SLC14A2: variants seen among roughly 807,000 people sequenced by gnomAD.
The protein encoded by SLC14A2 is solute carrier family 14 member 2, also known as urea transporter 2.
A neutral mutation model predicts 104.6 loss-of-function variants in SLC14A2; 91 were observed. The observed-to-expected ratio is 0.87, with a 90% CI of 0.73 to 1.04. SLC14A2 has a LOEUF of 1.04. SLC14A2 is among the 50% of genes least tolerant of loss of function. The pLI is 0.00. For missense variants in SLC14A2, 1,189 were observed against 1,156.0 expected, an observed-to-expected ratio of 1.03 and a Z score of -0.41; for synonymous variants, 476 against 466.4, an observed-to-expected ratio of 1.02 and a Z score of -0.27.
intron 1 of SLC14A2, among the ~76,000 whole-genome samples, chr18:45,313,113 G>C (rs922507445): frequency 6.6e-6 from 1 of 152,230 alleles, no homozygotes; most frequent in African/African-American, 2.4e-5. Flanking sequence ...CCCCTATGGA[G>C]CTTTCACTGG....
At chr18:45,180,390 A>G in the SLC14A2 span, among the ~76,000 whole-genome samples, 1 of 152,198 alleles carries the variant, frequency 6.6e-6, no homozygotes, top group East Asian at 1.9e-4. Context: ...AGAAATGACC[A>G]TGCAGGTATT....
chr18:45,632,219 C>A, intron 4 of SLC14A2, 131 bp from the exon 5 acceptor site: 2 of 1,120,390 alleles, frequency 1.8e-6, no homozygotes, highest in Non-Finnish European at 2.5e-6. Flanking sequence ...ATTCATTGAG[C>A]GAACTGACTT....
At chr18:45,463,939 G>A (rs1042969685) in intron 1 of SLC14A2, among the ~76,000 whole-genome samples, 1 of 152,194 alleles carries the variant, frequency 6.6e-6, no homozygotes, top group African/African-American at 2.4e-5. Flanking sequence ...AGGAGGATTA[G>A]CCCTGCCCAC....
At chr18:45,575,909 C>T (rs561086162) in intron 2 of SLC14A2, among the ~76,000 whole-genome samples, 89 of 151,532 alleles carry the variant, frequency 5.9e-4, no homozygotes, top group Non-Finnish European at 1.1e-3. Flanking sequence ...AGACACTGTA[C>T]GAAGCAATAC....
At chr18:45,552,849 C>T (rs1451905297) in intron 2 of SLC14A2, among the ~76,000 whole-genome samples, 1 of 152,172 alleles carries the variant, frequency 6.6e-6, no homozygotes, top group African/African-American at 2.4e-5. Context: ...AAGGGGAGGA[C>T]AACAGATCAG....
chr18:45,366,316 C>T (rs2085665159), intron 1 of SLC14A2, among the ~76,000 whole-genome samples: 1 of 152,162 alleles, frequency 6.6e-6, no homozygotes, highest in Non-Finnish European at 1.5e-5. Context: ...TCCACAACTG[C>T]TCTCCTCTCC....
chr18:45,272,411 A>G (rs1420698304), intron 1 of SLC14A2, among the ~76,000 whole-genome samples: 2 of 152,130 alleles, frequency 1.3e-5, no homozygotes, highest in East Asian at 1.9e-4. Flanking sequence ...GGAGATCAAT[A>G]TATTCCATCC....
At chr18:45,511,765 G>T (rs920132513) in intron 2 of SLC14A2, among the ~76,000 whole-genome samples, 6 of 152,190 alleles carry the variant, frequency 3.9e-5, no homozygotes, top group Non-Finnish European at 7.3e-5. Flanking sequence ...TCTTCCATTT[G>T]TGTCAAGTAC....
the SLC14A2 span, among the ~76,000 whole-genome samples, chr18:45,181,703 A>G: frequency 6.6e-6 from 1 of 152,224 alleles, no homozygotes; most frequent in Admixed American, 6.5e-5. Flanking sequence ...GTAATTGATA[A>G]ATGATGTCTT....
At chr18:45,382,249 GT>G (rs1468808602) in intron 1 of SLC14A2, among the ~76,000 whole-genome samples, 2 of 152,150 alleles carry the variant, frequency 1.3e-5, no homozygotes, top group African/African-American at 4.8e-5. Flanking sequence ...TATCAGGTGT[GT>G]TTACCATACA....
chr18:45,511,922 T>G (rs769222575), intron 2 of SLC14A2, among the ~76,000 whole-genome samples: 18 of 152,100 alleles, frequency 1.2e-4, no homozygotes, highest in Non-Finnish European at 2.5e-4. Context: ...AAGAAAATAT[T>G]CAGAGGAGGA....
intron 2 of SLC14A2, among the ~76,000 whole-genome samples, chr18:45,514,784 C>T (rs1282941541): frequency 1.3e-5 from 2 of 152,198 alleles, no homozygotes; most frequent in African/African-American, 4.8e-5. Flanking sequence ...GATGGGGAAA[C>T]ACCCATGTAG....
intron 1 of SLC14A2, among the ~76,000 whole-genome samples, chr18:45,448,142 G>T (rs1340726819): frequency 1.3e-5 from 2 of 152,200 alleles, no homozygotes; most frequent in African/African-American, 4.8e-5. Flanking sequence ...GGCAAAAAGG[G>T]TGCCTTGGCT....
At chr18:45,512,161 GA>G (rs2043374429) in intron 2 of SLC14A2, among the ~76,000 whole-genome samples, 1 of 152,200 alleles carries the variant, frequency 6.6e-6, no homozygotes, top group Non-Finnish European at 1.5e-5. Context: ...AGCAGAAAGA[GA>G]AATGCTTGGG....
At chr18:45,597,334 AAAAG>A (rs201495622) in intron 2 of SLC14A2, among the ~76,000 whole-genome samples, 88 of 152,128 alleles carry the variant, frequency 5.8e-4, no homozygotes, top group South Asian at 2.1e-3. Context: ...TCTCAAAAAA[AAAAG>A]AAAGAAAGAA....
intron 1 of SLC14A2, among the ~76,000 whole-genome samples, chr18:45,416,210 A>T (rs907014156): frequency 2.7e-5 from 4 of 150,886 alleles, no homozygotes; most frequent in Non-Finnish European, 4.4e-5. Flanking sequence ...CTGTAAATTA[A>T]ACCACTTGAG....
At chr18:45,462,151 C>A (rs1252817584) in intron 1 of SLC14A2, among the ~76,000 whole-genome samples, 1 of 152,190 alleles carries the variant, frequency 6.6e-6, no homozygotes, top group Non-Finnish European at 1.5e-5. Context: ...AACAACGTTT[C>A]TTTTTCCCTC....
chr18:45,301,094 A>G (rs1454548268), intron 1 of SLC14A2, among the ~76,000 whole-genome samples: 1 of 152,238 alleles, frequency 6.6e-6, no homozygotes, highest in Non-Finnish European at 1.5e-5. Flanking sequence ...CCAGAGGCAC[A>G]GTGCTCACCA....
the SLC14A2 span, among the ~76,000 whole-genome samples, chr18:45,187,569 T>C: frequency 2.6e-5 from 4 of 152,114 alleles, no homozygotes; most frequent in Admixed American, 6.6e-5. Context: ...CTTGGCATCA[T>C]GGTATTGAGA....
Sources: gnomAD v4.1 joint callset for allele counts (sites outside exome capture counted in the v4.1 genomes callset) on GRCh38, gnomAD v4.1.1 for gene constraint, MANE v1.5 for transcripts, NCBI Gene and HGNC (gene_info 2026-07-23, HGNC 2026-07-21) for gene names.